The following CDC26 variants were observed in gnomAD, a reference collection of about 807,000 sequenced individuals.
The protein encoded by CDC26 is cell division cycle 26, also known as anaphase-promoting complex subunit CDC26.
A neutral mutation model predicts 8.0 loss-of-function variants in CDC26; 2 were observed. That is an observed-to-expected ratio of 0.25 (90% confidence interval 0.10 to 0.79). The LOEUF is 0.79. CDC26 is among the 30% of genes least tolerant of loss of function. The pLI is 0.70. For missense variants in CDC26, 68 were observed against 106.0 expected (o/e 0.64, Z 1.57); for synonymous variants, 19 against 34.9 (o/e 0.55, Z 1.60).
chr9:113,271,873 T>C (rs894359316), intron 3 of CDC26, among the ~76,000 whole-genome samples: 3 of 151,936 alleles, frequency 2.0e-5, no homozygotes, highest in Non-Finnish European at 4.4e-5. Context: ...AGAGTCTCAC[T>C]GTTGCCCAGT....
chr9:113,267,203 T>C lies in CDC26; in HGVS notation c.*60A>G. The C allele has an allele frequency of 9.3e-7, 1 of 1,080,764 alleles. No individual in the cohort carries two copies. Among genetic ancestry groups the C allele is most frequent in the Admixed American group, 3.1e-5 (1 of 32,444 alleles). The allele number at this position is 1,080,764 out of a possible 1,614,324, so 66.9% of individuals were successfully genotyped here. On this transcript the variant is annotated 3_prime_UTR_variant, in exon 4 of 4. Transcript: ENST00000374206. ...AAGCACTCAATTCTCTAAATCTGGTTTGTACTTCTGCCATCATTTTATTCC... is the reference window on the plus strand; with the variant it reads ...AAGCACTCAATTCTCTAAATCTGGTCTGTACTTCTGCCATCATTTTATTCC...
chr9:113,272,844 G>A lies in CDC26; in HGVS notation c.-41-296C>T, dbSNP rs112825488. Among the ~76,000 whole-genome samples, 1,312 of 152,002 alleles carry A rather than the reference G, an allele frequency of 8.6e-3. 20 individuals carry two copies. Among genetic ancestry groups the A allele is most frequent in the African/African-American group, 0.03 (1,228 of 41,448 alleles). On this transcript the variant is annotated intron_variant, in intron 2 of 3. Coordinates refer to ENST00000374206, the MANE Select transcript of CDC26 (RefSeq NM_139286.4). Reference sequence around the variant, plus strand: ...GTAGCTGGGACTACAGGCGTACACCGCCATACCTGGCTAATTTTTGTGTTT... The same window carrying A: ...GTAGCTGGGACTACAGGCGTACACCACCATACCTGGCTAATTTTTGTGTTT...
chr9:113,267,354 C>G lies in CDC26; in HGVS notation c.167G>C (p.Ser56Thr). 1.9e-6 allele frequency: 3 copies of G among 1,600,860 alleles called. No homozygotes were observed. The highest frequency in any genetic ancestry group is 2.6e-6 in the Non-Finnish European group (3 of 1,174,884). ...GAIGLSSDPK[S>T]REQMINDRIG... ...CCGATCATTGATCATTTGTTCCCGG[C>G]TCTTGGGATCACTGCTAAGCCCAAT... The change falls in exon 4 of 4, where the codon AGC (serine) becomes ACC (threonine). Residue 56 changes from serine to threonine, a missense_variant. Transcript: ENST00000374206.
At chr9:113,273,481 G>C (rs1387540074) in intron 1 of CDC26, 43 bp from the exon 2 acceptor site, 1 of 152,198 alleles carries the variant, frequency 6.6e-6, no homozygotes, top group Non-Finnish European at 1.5e-5. Context: ...CATGTAATGA[G>C]AACCCTGATG....
chr9:113,272,543 T>C lies in CDC26; in HGVS notation c.-36A>G. 1 of 1,466,624 alleles carries C rather than the reference T, an allele frequency of 6.8e-7. No homozygotes were observed. 90.9% of individuals were successfully genotyped at this position (1,466,624 alleles called of 1,614,324 possible). ...ACACTAAGGGCCAAACCCAGTGAAC[T>C]ATTAGCTGTTAAAAATGAAAGAGAG... is the stretch of plus-strand genomic sequence containing the variant. On this transcript the variant is annotated 5_prime_UTR_variant, in exon 3 of 4. It adds an upstream start codon to the 5' untranslated region. Transcript: ENST00000374206.
In CDC26 at chr9:113,267,067, A is replaced by T. The variant is rs544576544; in HGVS notation, c.*196T>A. 2.1e-6 allele frequency: 1 copy of T among 481,798 alleles called. No homozygotes were observed. The highest frequency in any genetic ancestry group is 1.9e-5 in the African/African-American group (1 of 51,460). The allele number at this position is 481,798 out of a possible 1,614,324, so 29.8% of individuals were successfully genotyped here. On this transcript the variant is annotated 3_prime_UTR_variant, in exon 4 of 4. Transcript: ENST00000374206. ...AAATCAGATCAGTTTTATAGAGTCA[A>T]ATTTTCAAGAGACAAACCAGAGTTT...
chr9:113,267,107 A>C lies in CDC26; in HGVS notation c.*156T>G. 4.0e-6 allele frequency: 2 copies of C among 505,268 alleles called. No homozygotes were observed. The highest frequency in any genetic ancestry group is 3.5e-6 in the Non-Finnish European group (1 of 288,804). The allele number at this position is 505,268 out of a possible 1,614,324, so 31.3% of individuals were successfully genotyped here. On this transcript the variant is annotated 3_prime_UTR_variant, in exon 4 of 4. Transcript: ENST00000374206. ...AACCAGAGTTTGGATTCCAGCTTAGAGTGCAAGTGAAGCATCAGTAATCTC... is the reference window on the plus strand; with the variant it reads ...AACCAGAGTTTGGATTCCAGCTTAGCGTGCAAGTGAAGCATCAGTAATCTC...
Position 113,275,366 on chromosome 9 carries a change from G to C in CDC26, c.-152+16C>G, listed in dbSNP as rs1832049216. 5.0e-6 allele frequency: 1 copy of C among 199,812 alleles called. No homozygotes were observed. Among genetic ancestry groups the C allele is most frequent in the Admixed American group, 6.1e-5 (1 of 16,442 alleles). 12.4% of individuals were successfully genotyped at this position (199,812 alleles called of 1,614,324 possible). A position where few individuals can be genotyped will look rare whatever the true frequency, so the allele number is the denominator to read the frequency against. ...TCCAGAGTTCAGCCCCGAGCCGCGC[G>C]AGTCGACTCACCTACCTCTTTTCAA... is the stretch of plus-strand genomic sequence containing the variant. On this transcript the variant is annotated intron_variant, in intron 1 of 3. Coordinates refer to ENST00000374206, the MANE Select transcript of CDC26 (RefSeq NM_139286.4).
intron 2 of CDC26, 131 bp from the exon 3 acceptor site, chr9:113,272,679 G>T: frequency 8.4e-6 from 4 of 478,244 alleles, no homozygotes; most frequent in Admixed American, 3.6e-5. Flanking sequence ...TTTACACATA[G>T]ACTTCTAAAG....
At chr9:113,273,845 A>AAAAG (rs1186886459) in intron 1 of CDC26, among the ~76,000 whole-genome samples, 20 of 143,626 alleles carry the variant, frequency 1.4e-4, no homozygotes, top group African/African-American at 5.1e-4. Flanking sequence ...AAAAAAAAAA[A>AAAAG]AGGCTCAAGA....
chr9:113,275,184 G>C (rs1173246621), intron 1 of CDC26, among the ~76,000 whole-genome samples, 198 bp downstream of exon 1: 1 of 152,110 alleles, frequency 6.6e-6, no homozygotes, highest in Non-Finnish European at 1.5e-5. Flanking sequence ...AAGACTTCCG[G>C]ACCATGGAGG....
chr9:113,267,581 A>G (rs1831883076), intron 3 of CDC26, 142 bp from the exon 4 acceptor site: 1 of 1,106,898 alleles, frequency 9.0e-7, no homozygotes. Context: ...CTAGGTTTGG[A>G]GTACTTAGGG....
Position 113,267,300 on chromosome 9 carries a change from T to C in CDC26, c.221A>G (p.Asn74Ser), listed in dbSNP as rs909710500. ...ACTTCCAAATTGAGATGAACGATTA[T>C]TGGGCTTGGGTTGGGGTTTATAACC... ...RIGYKPQPKP[N>S]NRSSQFGSLE... Residue 74 changes from asparagine (N) to serine (S), a missense_variant, in exon 4 of 4, where the codon AAT becomes AGT. By Grantham distance (46) the Asn-to-Ser change is conservative. Coordinates refer to ENST00000374206, the MANE Select transcript of CDC26 (RefSeq NM_139286.4). 16 of 1,557,538 alleles carry C rather than the reference T, an allele frequency of 1.0e-5. No individual in the cohort carries two copies. The highest frequency in any genetic ancestry group is 4.2e-5 in the African/African-American group (3 of 71,980).
chr9:113,271,494 G>A (rs1199144267), intron 3 of CDC26, among the ~76,000 whole-genome samples: 2 of 152,260 alleles, frequency 1.3e-5, no homozygotes, highest in South Asian at 2.1e-4. Flanking sequence ...TGACTCTGGA[G>A]GCAGAGACTG....
chr9:113,273,821 CAAAA>C (rs149642304), intron 1 of CDC26, among the ~76,000 whole-genome samples: 18 of 53,258 alleles, frequency 3.4e-4, no homozygotes, highest in Admixed American at 1.0e-3. Flanking sequence ...GACCCCAACT[CAAAA>C]AAAAAAAAAA....
intron 3 of CDC26, among the ~76,000 whole-genome samples, chr9:113,271,564 G>A (rs1021139386): frequency 6.6e-6 from 1 of 152,144 alleles, no homozygotes; most frequent in Admixed American, 6.5e-5. Flanking sequence ...AAGAGCCAAG[G>A]AATGGATTCT....
At chr9:113,273,106 T>A (rs1831985891) in intron 2 of CDC26, among the ~76,000 whole-genome samples, 2 of 152,226 alleles carry the variant, frequency 1.3e-5, no homozygotes, top group Admixed American at 1.3e-4. Context: ...AAACTGCCTA[T>A]AAGAGAGAAA....
intron 3 of CDC26, among the ~76,000 whole-genome samples, chr9:113,269,228 AAAAAT>A (rs1295160438): frequency 1.5e-4 from 22 of 148,590 alleles, no homozygotes; most frequent in Admixed American, 1.5e-3. Context: ...TCTCAACAAT[AAAAAT>A]AAAAAAAAAA....
intron 3 of CDC26, among the ~76,000 whole-genome samples, chr9:113,272,187 G>A (rs1831968480): frequency 6.6e-6 from 1 of 152,200 alleles, no homozygotes; most frequent in South Asian, 2.1e-4. Flanking sequence ...GGAGGCTGAG[G>A]TGGATGGATC....
Sources: allele counts gnomAD v4.1 joint callset (sites outside exome capture counted in the v4.1 genomes callset), GRCh38; gene constraint gnomAD v4.1.1; transcripts MANE v1.5; gene names NCBI Gene and HGNC (gene_info 2026-07-23, HGNC 2026-07-21).